Variants in NR1H4 observed in about 807,000 individuals in gnomAD.
NR1H4 encodes the protein nuclear receptor subfamily 1 group H member 4.
A neutral mutation model predicts 58.5 loss-of-function variants in NR1H4; 23 were observed. The ratio of observed to expected loss-of-function variants is 0.39; its 90% CI spans 0.28 to 0.56. The LOEUF is 0.56. Among genes scored for constraint, NR1H4 ranks in the 20% least tolerant of loss-of-function variants. The probability of loss-of-function intolerance (pLI) is 0.58; values close to 1 mark genes in which losing one functional copy is unlikely to be tolerated. For synonymous variants in NR1H4, 214 were observed against 198.0 expected (o/e 1.08, Z -0.68); for missense variants, 487 against 576.9 (o/e 0.84, Z 1.60).
chr12:100,528,894 G>T (rs118057061), intron 4 of NR1H4, among the ~76,000 whole-genome samples: 1 of 152,134 alleles, frequency 6.6e-6, no homozygotes, highest in South Asian at 2.1e-4. Flanking sequence ...ATCTATGACA[G>T]TTTTAAAGGA....
intron 4 of NR1H4, among the ~76,000 whole-genome samples, chr12:100,531,492 G>A (rs575868089): frequency 1.1e-4 from 16 of 152,248 alleles, no homozygotes; most frequent in African/African-American, 3.6e-4. Flanking sequence ...AAAGTATCCC[G>A]AAGATGAGAG....
intron 9 of NR1H4, among the ~76,000 whole-genome samples, chr12:100,552,060 G>A (rs1955215549): frequency 6.6e-6 from 1 of 152,210 alleles, no homozygotes; most frequent in South Asian, 2.1e-4. Flanking sequence ...CCCACAGAGA[G>A]TTAACTGTAT....
intron 1 of NR1H4, among the ~76,000 whole-genome samples, chr12:100,480,886 G>C (rs1953365142): frequency 6.6e-6 from 1 of 152,224 alleles, no homozygotes; most frequent in Non-Finnish European, 1.5e-5. Context: ...CATGTCTGGG[G>C]TCTTGATGTG....
intron 3 of NR1H4, chr12:100,499,748 C>A (rs1352480300): frequency 9.5e-6 from 4 of 422,760 alleles, no homozygotes; most frequent in Non-Finnish European, 1.9e-5. Context: ...TATTAACTTA[C>A]AACAATAAAA....
At chr12:100,510,714 A>G in intron 3 of NR1H4, 64 bp from the exon 4 acceptor site, 1 of 1,600,150 alleles carries the variant, frequency 6.2e-7, no homozygotes, top group South Asian at 1.1e-5. Context: ...CCATTACGCC[A>G]AACTGCCTCT....
chr12:100,497,043 T>G (rs1593052181), intron 3 of NR1H4, among the ~76,000 whole-genome samples: 2 of 150,994 alleles, frequency 1.3e-5, no homozygotes, highest in African/African-American at 2.4e-5. Context: ...GGCGAGGGAG[T>G]GGGCGATGCA....
chr12:100,517,657 G>T (rs550689661), intron 4 of NR1H4, among the ~76,000 whole-genome samples: 7 of 152,184 alleles, frequency 4.6e-5, no homozygotes, highest in South Asian at 2.1e-4. Flanking sequence ...CAGCAGTAAG[G>T]GTTGACTTTT....
chr12:100,524,943 T>C (rs1954519099), intron 4 of NR1H4, among the ~76,000 whole-genome samples: 1 of 152,140 alleles, frequency 6.6e-6, no homozygotes, highest in Non-Finnish European at 1.5e-5. Context: ...GGTGGAAGTC[T>C]TGGGGATATG....
At chr12:100,528,908 C>A (rs1326674530) in intron 4 of NR1H4, among the ~76,000 whole-genome samples, 1 of 152,130 alleles carries the variant, frequency 6.6e-6, no homozygotes, top group Non-Finnish European at 1.5e-5. Context: ...TAAAGGAAAT[C>A]ATTCCTGGGA....
intron 9 of NR1H4, among the ~76,000 whole-genome samples, chr12:100,546,388 AT>A (rs1186768154): frequency 2.0e-5 from 3 of 151,966 alleles, no homozygotes; most frequent in African/African-American, 7.3e-5. Flanking sequence ...GACTCTAGGG[AT>A]TCTTTGTTCC....
At chr12:100,489,304 C>G (rs73378061) in intron 1 of NR1H4, among the ~76,000 whole-genome samples, 6,112 of 152,136 alleles carry the variant, frequency 0.04, 423 homozygotes, top group African/African-American at 0.14. Flanking sequence ...TTCTTTGTTT[C>G]AGGCAGGGAT....
At chr12:100,510,710 C>G (rs558293565) in intron 3 of NR1H4, 68 bp from the exon 4 acceptor site, 6 of 1,584,262 alleles carry the variant, frequency 3.8e-6, no homozygotes, top group Admixed American at 1.7e-5. Flanking sequence ...CTAACCATTA[C>G]GCCAAACTGC....
chr12:100,503,896 G>A (rs1358738843), intron 3 of NR1H4, among the ~76,000 whole-genome samples: 1 of 152,074 alleles, frequency 6.6e-6, no homozygotes, highest in Admixed American at 6.6e-5. Context: ...TTAGTGTCTC[G>A]TGACCAGCAT....
At chr12:100,513,995 A>G (rs112826420) in intron 4 of NR1H4, among the ~76,000 whole-genome samples, 4,084 of 152,350 alleles carry the variant, frequency 0.027, 66 homozygotes, top group Middle Eastern at 0.044. Flanking sequence ...AACAAACTTT[A>G]TAGTAGCTCT....
At chr12:100,557,903 C>G (rs536628334) in intron 9 of NR1H4, among the ~76,000 whole-genome samples, 2 of 152,206 alleles carry the variant, frequency 1.3e-5, no homozygotes, top group East Asian at 3.9e-4. Flanking sequence ...CAGGAAACAT[C>G]CTCATCTCAA....
chr12:100,547,942 G>C (rs577004229), intron 9 of NR1H4, among the ~76,000 whole-genome samples: 242 of 150,738 alleles, frequency 1.6e-3, no homozygotes, highest in African/African-American at 1.6e-3. Flanking sequence ...GGATGGTCTC[G>C]ATCTCCTGAC....
intron 9 of NR1H4, 36 bp from the exon 10 acceptor site, chr12:100,561,849 C>G (rs776164409): frequency 3.4e-6 from 3 of 892,810 alleles, no homozygotes; most frequent in East Asian, 4.8e-5. Context: ...TTTAGTCACT[C>G]AAAAATTGTA....
Position 100,540,743 on chromosome 12 carries a change from C to G in NR1H4, c.1003C>G (p.Arg335Gly). ...GTCTGCGGTTGAAGCTATGTTCCTT[C>G]GTTCAGCTGAGATTTTCAATAAGAA... ...KGSAVEAMFL[R>G]SAEIFNKKLP... Residue 335 changes from arginine to glycine, a missense_variant, in exon 9 of 11, where the codon CGT (arginine) becomes GGT (glycine). Coordinates refer to ENST00000392986, the MANE Select transcript of NR1H4 (RefSeq NM_001206979.2). 1 of 1,614,108 alleles carries G rather than the reference C, an allele frequency of 6.2e-7. No homozygotes were observed. The highest frequency in any genetic ancestry group is 8.5e-7 in the Non-Finnish European group (1 of 1,179,996).
chr12:100,493,922 G>T (rs1257085832), intron 3 of NR1H4, among the ~76,000 whole-genome samples: 1 of 152,142 alleles, frequency 6.6e-6, no homozygotes, highest in African/African-American at 2.4e-5. Context: ...TCTGTAACTA[G>T]ATGATACCAT....
Sources: gnomAD v4.1 joint callset for allele counts (sites outside exome capture counted in the v4.1 genomes callset) on GRCh38, gnomAD v4.1.1 for gene constraint, MANE v1.5 for transcripts, NCBI Gene and HGNC (gene_info 2026-07-23, HGNC 2026-07-21) for gene names.